Variants in RGS6 observed in about 807,000 individuals in gnomAD.
RGS6 encodes the protein regulator of G protein signaling 6, also known as regulator of G-protein signaling 6.
RGS6 carries 30 observed loss-of-function variants against 78.5 expected under a neutral mutation model. The observed-to-expected ratio is 0.38, with a 90% CI of 0.29 to 0.52. The LOEUF is 0.52. RGS6 is among the 20% of genes least tolerant of loss of function. The probability of loss-of-function intolerance (pLI) is 0.85; values close to 1 mark genes in which losing one functional copy is unlikely to be tolerated. For missense variants in RGS6, 495 were observed against 609.7 expected (o/e 0.81, Z 1.98); for synonymous variants, 206 against 206.0 (o/e 1.00, Z 0.00).
At chr14:71,945,031 A>G (rs553826973) in intron 1 of RGS6, among the ~76,000 whole-genome samples, 105 of 152,336 alleles carry the variant, frequency 6.9e-4, no homozygotes, top group African/African-American at 2.5e-3. Flanking sequence ...GACCCCCTTC[A>G]TGTATGTGGT....
rs1566921618 is a variant in RGS6 at position 71,964,828 on chromosome 14, G to A, written c.37G>A (p.Val13Ile). 1 of 1,613,760 alleles carries A rather than the reference G, an allele frequency of 6.2e-7. No individual in the cohort carries two copies. The highest frequency in any genetic ancestry group is 2.2e-5 in the East Asian group (1 of 44,884). Residue 13 changes from valine (V) to isoleucine (I), a missense_variant, in exon 2 of 18, where the codon GTT becomes ATT. Coordinates refer to ENST00000553525, the MANE Select transcript of RGS6 (RefSeq NM_001204424.2). ...ATCCGGGGATCAAAGAGCAGTGGGG[G>A]TTGCTGACCCAGAGGAGAGTTCTCC... ...QGSGDQRAVG[V>I]ADPEESSPNM...
chr14:72,554,460 G>C (rs1376859627), intron 17 of RGS6, among the ~76,000 whole-genome samples: 1 of 152,182 alleles, frequency 6.6e-6, no homozygotes, highest in Non-Finnish European at 1.5e-5. Context: ...TTGGAAAAAA[G>C]TAGCATCAAC....
At chr14:72,161,936 T>C (rs938408618) in intron 2 of RGS6, among the ~76,000 whole-genome samples, 3 of 152,244 alleles carry the variant, frequency 2.0e-5, no homozygotes, top group African/African-American at 7.2e-5. Context: ...CTATCCAGGG[T>C]ATTTGACTTC....
chr14:72,576,989 A>G, the RGS6 span, among the ~76,000 whole-genome samples: 1 of 152,152 alleles, frequency 6.6e-6, no homozygotes, highest in Non-Finnish European at 1.5e-5. Flanking sequence ...TTATTTCTGG[A>G]ACATCAGTGC....
At chr14:72,246,605 ATTATT>A (rs1181294040) in intron 2 of RGS6, among the ~76,000 whole-genome samples, 1 of 152,162 alleles carries the variant, frequency 6.6e-6, no homozygotes, top group Non-Finnish European at 1.5e-5. Context: ...TTTTATTACT[ATTATT>A]TTAAGAATAT....
At chr14:72,164,613 A>G (rs1284553474) in intron 2 of RGS6, among the ~76,000 whole-genome samples, 1 of 152,202 alleles carries the variant, frequency 6.6e-6, no homozygotes, top group African/African-American at 2.4e-5. Flanking sequence ...AACAGCAAGA[A>G]GCTCAGACAA....
intron 2 of RGS6, among the ~76,000 whole-genome samples, chr14:72,296,975 GTTCTT>G (rs956213899): frequency 2.0e-5 from 3 of 152,072 alleles, no homozygotes; most frequent in African/African-American, 7.2e-5. Context: ...AAGATTCAAA[GTTCTT>G]TTCTTTTTCC....
Position 72,470,038 on chromosome 14 carries a change from C to T in RGS6, c.491C>T (p.Ala164Val), listed in dbSNP as rs1205242935. 39 of 1,613,044 alleles carry T rather than the reference C, an allele frequency of 2.4e-5. No individual in the cohort carries two copies. In the Admixed American group the frequency reaches 2.7e-4, roughly 11 times the overall value. Residue 164 changes from alanine to valine, a missense_variant, in exon 8 of 18, where the codon GCG (alanine) becomes GTG (valine). Ala to Val is a moderately conservative substitution (Grantham distance 64). Transcript: ENST00000553525. ...TTAGCAAGACTCCAGAGGGCCTTTG[C>T]GAGGAAGTGGGAATTCATCTTTATG... ...ENLARLQRAF[A>V]RKWEFIFMQA...
chr14:72,286,276 C>T (rs1595328504), intron 2 of RGS6, among the ~76,000 whole-genome samples: 1 of 152,248 alleles, frequency 6.6e-6, no homozygotes, highest in East Asian at 1.9e-4. Context: ...AACCTTTCTC[C>T]ATTGTATATT....
the RGS6 span, among the ~76,000 whole-genome samples, chr14:72,586,841 C>A: frequency 0.37 from 57,001 of 152,004 alleles, 11,379 homozygotes; most frequent in Non-Finnish European, 0.43. Context: ...TTTGCAGGGC[C>A]TGGTGCATAA....
At position 72,541,278 on chromosome 14, in the gene RGS6, C is replaced by T. The variant is rs1006023181; in HGVS notation, c.1422+1184C>T. On this transcript the variant is annotated intron_variant, in intron 17 of 17. Transcript: ENST00000553525. Reference sequence around the variant, plus strand: ...TCCTTTTAAGAAAAAGTCTAAGGCTCCTGGGTTGAAAGCAGCCTAGTCATT... The same window carrying T: ...TCCTTTTAAGAAAAAGTCTAAGGCTTCTGGGTTGAAAGCAGCCTAGTCATT... 25 of 1,433,612 alleles carry T rather than the reference C, an allele frequency of 1.7e-5. No individual in the cohort carries two copies. The Middle Eastern group carries it at 5.3e-4, about 31-fold the overall frequency. The allele number at this position is 1,433,612 out of a possible 1,614,324, so 88.8% of individuals were successfully genotyped here.
At chr14:72,560,383 C>A (rs1345673855) in intron 17 of RGS6, among the ~76,000 whole-genome samples, 1 of 152,164 alleles carries the variant, frequency 6.6e-6, no homozygotes, top group African/African-American at 2.4e-5. Context: ...CACAAGGAGG[C>A]CCCTAGGCTC....
chr14:72,556,684 G>C (rs1599135430), intron 17 of RGS6, among the ~76,000 whole-genome samples: 2 of 145,576 alleles, frequency 1.4e-5, no homozygotes, highest in Admixed American at 1.4e-4. Flanking sequence ...GTAGGGGTCG[G>C]GGGGGCGGGG....
intron 13 of RGS6, among the ~76,000 whole-genome samples, chr14:72,508,336 G>A (rs889795481): frequency 1.3e-5 from 2 of 152,176 alleles, no homozygotes; most frequent in Non-Finnish European, 2.9e-5. Context: ...CTAGCCACAT[G>A]TAGCTATTTA....
chr14:72,359,273 A>AG (rs2080998860), intron 3 of RGS6, among the ~76,000 whole-genome samples: 1 of 151,932 alleles, frequency 6.6e-6, no homozygotes, highest in South Asian at 2.1e-4. Context: ...GGAATGTGAG[A>AG]GGAAAAAAAG....
At chr14:72,442,493 T>C (rs111981726) in intron 3 of RGS6, among the ~76,000 whole-genome samples, 175 of 152,280 alleles carry the variant, frequency 1.1e-3, no homozygotes, top group African/African-American at 4.0e-3. Flanking sequence ...AATAGTTCAA[T>C]CATAGCCCTT....
intron 3 of RGS6, among the ~76,000 whole-genome samples, chr14:72,395,084 G>C (rs1240740553): frequency 2.0e-5 from 3 of 152,116 alleles, no homozygotes; most frequent in Admixed American, 2.0e-4. Flanking sequence ...ATCTGTGGTA[G>C]TAACATGATA....
At chr14:72,096,143 C>A (rs578154803) in intron 2 of RGS6, among the ~76,000 whole-genome samples, 2 of 151,976 alleles carry the variant, frequency 1.3e-5, no homozygotes, top group African/African-American at 2.4e-5. Flanking sequence ...TGCGGTGGCA[C>A]GCACCTGTAA....
chr14:72,446,216 G>A (rs2095359502), intron 3 of RGS6, among the ~76,000 whole-genome samples: 1 of 152,134 alleles, frequency 6.6e-6, no homozygotes, highest in African/African-American at 2.4e-5. Flanking sequence ...CAACCCGTTC[G>A]ACACCTGGAT....
Sources: gnomAD v4.1 joint callset for allele counts (sites outside exome capture counted in the v4.1 genomes callset) on GRCh38, gnomAD v4.1.1 for gene constraint, MANE v1.5 for transcripts, NCBI Gene and HGNC (gene_info 2026-07-23, HGNC 2026-07-21) for gene names.